Variants in GCSAML observed in about 807,000 individuals in gnomAD.
GCSAML encodes the protein germinal center associated signaling and motility like.
A neutral mutation model predicts 13.0 loss-of-function variants in GCSAML; 9 were observed. The ratio of observed to expected loss-of-function variants is 0.69; its 90% CI spans 0.42 to 1.21. The LOEUF (loss-of-function observed/expected upper bound fraction) is 1.21, where lower values mean the gene tolerates loss of function less well. Among genes scored for constraint, GCSAML ranks in the 50% most tolerant of loss-of-function variants. The pLI is 0.00. For missense variants in GCSAML, 143 were observed against 153.4 expected, an observed-to-expected ratio of 0.93 and a Z score of 0.36; for synonymous variants, 37 against 52.9, an observed-to-expected ratio of 0.70 and a Z score of 1.31.
At chr1:247,563,988 A>G (rs114510579) in intron 3 of GCSAML, among the ~76,000 whole-genome samples, 2,736 of 151,862 alleles carry the variant, frequency 0.018, 27 homozygotes, top group Middle Eastern at 0.034. Flanking sequence ...GCTGGAGTGC[A>G]GTGTCACAAT....
chr1:247,553,875 G>A (rs1667860586), intron 1 of GCSAML, among the ~76,000 whole-genome samples: 1 of 152,166 alleles, frequency 6.6e-6, no homozygotes, highest in Non-Finnish European at 1.5e-5. Context: ...AGTTAATTAT[G>A]TTAATAAATA....
intron 1 of GCSAML, among the ~76,000 whole-genome samples, chr1:247,522,313 T>C (rs182979477): frequency 0.94 from 108,877 of 116,052 alleles, 51,772 homozygotes; most frequent in East Asian, 0.99. Flanking sequence ...CGCCTCCACC[T>C]GGCCGCCGCC....
chr1:247,531,835 A>T, intron 2 of GCSAML: 1 of 1,614,128 alleles, frequency 6.2e-7, no homozygotes, highest in Non-Finnish European at 8.5e-7. Flanking sequence ...GATCTTCAAC[A>T]CGGCCCGGGC....
intron 1 of GCSAML, among the ~76,000 whole-genome samples, chr1:247,511,181 G>C (rs1666023163): frequency 6.6e-6 from 1 of 152,154 alleles, no homozygotes; most frequent in Non-Finnish European, 1.5e-5. Flanking sequence ...CTAAGAACTT[G>C]CTTTATGAAT....
intron 2 of GCSAML, chr1:247,536,416 T>C (rs1667220733): frequency 6.6e-6 from 1 of 152,192 alleles, no homozygotes; most frequent in African/African-American, 2.4e-5. Flanking sequence ...TAAATCACAA[T>C]GGGATTGAAC....
rs145003636 is a variant in GCSAML at position 247,535,083 on chromosome 1, G to T, written c.-148+8029G>T. On this transcript the variant is annotated intron_variant, in intron 2 of 5. Coordinates refer to the GCSAML transcript ENST00000366489. ...TCCTAGCACTTTGGGAGGCTGAAGT[G>T]GGGGGAATCACTTGAGCTCAGGAGT... Among the ~76,000 whole-genome samples the T allele has an allele frequency of 3.1e-3, 479 of 152,214 alleles. 2 individuals are homozygous for T. Among genetic ancestry groups the T allele is most frequent in the African/African-American group, 0.01 (435 of 41,514 alleles).
chr1:247,531,387 T>G, intron 2 of GCSAML: 2 of 681,134 alleles, frequency 2.9e-6, no homozygotes, highest in Non-Finnish European at 4.9e-6. Flanking sequence ...AATAAATGTA[T>G]TTTCTTGGTC....
intron 1 of GCSAML, among the ~76,000 whole-genome samples, chr1:247,509,656 A>G (rs1665953630): frequency 6.6e-6 from 1 of 152,142 alleles, no homozygotes; most frequent in African/African-American, 2.4e-5. Flanking sequence ...AATAGCTCTT[A>G]CTATTTTGAG....
intron 2 of GCSAML, chr1:247,538,862 C>A: frequency 2.5e-6 from 1 of 405,394 alleles, no homozygotes; most frequent in Admixed American, 2.7e-5. Flanking sequence ...CTCGACCTGC[C>A]TAATACAGAT....
At chr1:247,534,964 G>A (rs1289378312) in intron 2 of GCSAML, among the ~76,000 whole-genome samples, 1 of 152,112 alleles carries the variant, frequency 6.6e-6, no homozygotes. Context: ...GGCCAGGGAA[G>A]CATTAATACT....
chr1:247,556,509 T>G, intron 2 of GCSAML, 43 bp downstream of exon 2: 1 of 1,451,960 alleles, frequency 6.9e-7, no homozygotes, highest in Non-Finnish European at 9.5e-7. Flanking sequence ...TTGTTTTGTT[T>G]TGTTTTTTCA....
intron 1 of GCSAML, among the ~76,000 whole-genome samples, chr1:247,508,431 T>C (rs1452942906): frequency 2.0e-5 from 3 of 152,196 alleles, no homozygotes; most frequent in African/African-American, 4.8e-5. Context: ...GTCAGATGGA[T>C]TGCAAAAATT....
upstream of GCSAML, chr1:247,548,979 C>A: frequency 7.8e-7 from 1 of 1,281,350 alleles, no homozygotes; most frequent in South Asian, 1.4e-5. The surrounding 1 kb of genome is among the most constrained non-coding windows in gnomAD (Gnocchi z 5.3). Flanking sequence ...GGCACACACA[C>A]GCACACTCAC....
chr1:247,534,232 A>G (rs973265042), intron 2 of GCSAML, among the ~76,000 whole-genome samples: 4 of 152,092 alleles, frequency 2.6e-5, no homozygotes, highest in Admixed American at 2.6e-4. Flanking sequence ...AATTCCATGG[A>G]GCCATAGTTT....
At chr1:247,521,923 C>G (rs1311353599) in intron 1 of GCSAML, among the ~76,000 whole-genome samples, 2 of 151,972 alleles carry the variant, frequency 1.3e-5, no homozygotes, top group African/African-American at 4.8e-5. Flanking sequence ...GCCATCCCGT[C>G]TAGGAAGTGA....
intron 1 of GCSAML, among the ~76,000 whole-genome samples, chr1:247,512,127 T>A (rs757810487): frequency 1.3e-5 from 2 of 152,184 alleles, no homozygotes; most frequent in Non-Finnish European, 2.9e-5. Flanking sequence ...ATTCTCCCTG[T>A]CACTTTCAGG....
At chr1:247,509,500 T>C (rs2103293539) in intron 1 of GCSAML, among the ~76,000 whole-genome samples, 1 of 152,256 alleles carries the variant, frequency 6.6e-6, no homozygotes, top group African/African-American at 2.4e-5. Flanking sequence ...GCTTTCTTTC[T>C]CTTGCCTGAT....
At chr1:247,553,268 G>A (rs576387351) in intron 1 of GCSAML, among the ~76,000 whole-genome samples, 1 of 152,180 alleles carries the variant, frequency 6.6e-6, no homozygotes, top group Non-Finnish European at 1.5e-5. Flanking sequence ...AATTTTGCAA[G>A]ATGACTTTGT....
intron 2 of GCSAML, among the ~76,000 whole-genome samples, chr1:247,559,451 C>G (rs1027146340): frequency 1.3e-5 from 2 of 148,948 alleles, no homozygotes; most frequent in Admixed American, 1.3e-4. Flanking sequence ...CTTTTTTTTT[C>G]TGAAATGACG....
Sources: gnomAD v4.1 joint callset for allele counts (sites outside exome capture counted in the v4.1 genomes callset) on GRCh38, gnomAD v4.1.1 for gene constraint, Gnocchi (gnomAD v3.1) non-coding constraint, MANE v1.5 for transcripts, NCBI Gene and HGNC (gene_info 2026-07-23, HGNC 2026-07-21) for gene names.